The following DLGAP1 variants were observed in gnomAD, a reference collection of about 807,000 sequenced individuals.
DLGAP1 encodes the protein DLG associated protein 1.
A neutral mutation model predicts 90.8 loss-of-function variants in DLGAP1; 11 were observed. That is an observed-to-expected ratio of 0.12 (90% CI 0.08 to 0.20). The LOEUF (loss-of-function observed/expected upper bound fraction) is 0.20, where lower values mean the gene tolerates loss of function less well. DLGAP1 is among the 10% of genes least tolerant of loss of function. DLGAP1 has a pLI of 1.00. For synonymous variants in DLGAP1, 558 were observed against 540.7 expected, an observed-to-expected ratio of 1.03 and a Z score of -0.44; for missense variants, 1,050 against 1,333.8, an observed-to-expected ratio of 0.79 and a Z score of 3.31.
intron 2 of DLGAP1, among the ~76,000 whole-genome samples, chr18:4,133,447 A>G (rs1214180290): frequency 6.6e-6 from 1 of 152,192 alleles, no homozygotes; most frequent in Non-Finnish European, 1.5e-5. Context: ...ATGTTGGTCC[A>G]TTGGGTGAAA....
intron 9 of DLGAP1, among the ~76,000 whole-genome samples, chr18:3,544,851 T>C (rs2052922232): frequency 6.6e-6 from 1 of 152,012 alleles, no homozygotes; most frequent in Non-Finnish European, 1.5e-5. Flanking sequence ...GGGATCCTCC[T>C]ACCTCAACCT....
At chr18:3,792,213 G>A (rs2148236475) in intron 5 of DLGAP1, among the ~76,000 whole-genome samples, 1 of 152,300 alleles carries the variant, frequency 6.6e-6, no homozygotes, top group Non-Finnish European at 1.5e-5. Context: ...GGGCACGATG[G>A]CTCACACCTG....
chr18:3,852,284 G>A (rs2069385781), intron 4 of DLGAP1, among the ~76,000 whole-genome samples: 1 of 151,992 alleles, frequency 6.6e-6, no homozygotes, highest in Non-Finnish European at 1.5e-5. Context: ...AGGCAGTCAA[G>A]GAAAAAGATA....
In DLGAP1 at chr18:4,182,404, C is replaced by T. The variant is rs576116896; in HGVS notation, c.-266-31117G>A. ...CGGAAGATGGCACCAGAGGAAACTA[C>T]GTTAGCAAGCTTTGCAAACCAGCCT... On this transcript the variant is annotated intron_variant, in intron 1 of 12. Coordinates refer to ENST00000315677, the MANE Select transcript of DLGAP1 (RefSeq NM_004746.4). 2.6e-5 allele frequency among the ~76,000 whole-genome samples: 4 copies of T among 152,282 alleles called. No individual in the cohort carries two copies. In the South Asian group the frequency reaches 6.2e-4, roughly 24 times the overall value.
At chr18:3,512,628 A>G (rs1339650013) in intron 10 of DLGAP1, among the ~76,000 whole-genome samples, 3 of 152,222 alleles carry the variant, frequency 2.0e-5, no homozygotes, top group African/African-American at 7.2e-5. Context: ...TTCAAAACTC[A>G]CAAACAGGCA....
intron 1 of DLGAP1, among the ~76,000 whole-genome samples, chr18:4,337,013 C>T (rs1305877421): frequency 6.7e-6 from 1 of 149,176 alleles, no homozygotes; most frequent in Non-Finnish European, 1.5e-5. Flanking sequence ...ACTCCGGAGG[C>T]TGAGGTAGGA....
At chr18:3,599,562 C>G (rs2056783368) in intron 7 of DLGAP1, among the ~76,000 whole-genome samples, 1 of 152,194 alleles carries the variant, frequency 6.6e-6, no homozygotes, top group Admixed American at 6.6e-5. Flanking sequence ...GGAGTGGTGA[C>G]AGGCGTGCAA....
intron 3 of DLGAP1, among the ~76,000 whole-genome samples, chr18:3,992,567 A>G (rs1259145881): frequency 6.6e-6 from 1 of 152,140 alleles, no homozygotes; most frequent in Admixed American, 6.5e-5. Context: ...GGTCTCAGCT[A>G]ACTGGGAGGC....
intron 1 of DLGAP1, among the ~76,000 whole-genome samples, chr18:4,307,278 G>T (rs1288992239): frequency 1.3e-5 from 2 of 152,054 alleles, no homozygotes; most frequent in Non-Finnish European, 2.9e-5. Flanking sequence ...CATTCCAGAA[G>T]GTTCTTTTCC....
intron 8 of DLGAP1, among the ~76,000 whole-genome samples, chr18:3,568,893 A>G (rs61640984): frequency 0.078 from 11,745 of 151,432 alleles, 818 homozygotes; most frequent in African/African-American, 0.19. Context: ...TCACTGTGTT[A>G]GCCAGGATGG....
chr18:4,106,031 CAAA>C (rs60176243), intron 2 of DLGAP1, among the ~76,000 whole-genome samples: 7 of 102,236 alleles, frequency 6.8e-5, no homozygotes, highest in Non-Finnish European at 8.1e-5. Flanking sequence ...GGGTCCGTCT[CAAA>C]AAAAAAAAAA....
At chr18:3,918,080 C>T (rs1162096322) in intron 3 of DLGAP1, among the ~76,000 whole-genome samples, 1 of 152,156 alleles carries the variant, frequency 6.6e-6, no homozygotes, top group African/African-American at 2.4e-5. Context: ...ACTAGAGGAT[C>T]TTATATAGAA....
At chr18:3,941,524 A>G (rs2072768679) in intron 3 of DLGAP1, among the ~76,000 whole-genome samples, 1 of 152,262 alleles carries the variant, frequency 6.6e-6, no homozygotes, top group South Asian at 2.1e-4. Flanking sequence ...CAGAATCTGT[A>G]GAATTCCAGA....
intron 2 of DLGAP1, among the ~76,000 whole-genome samples, chr18:4,026,780 C>CATGT (rs1215989223): frequency 1.3e-5 from 2 of 152,140 alleles, no homozygotes; most frequent in African/African-American, 2.4e-5. Flanking sequence ...CATGCAAAAA[C>CATGT]CTTTTCACAG....
chr18:4,021,718 C>A (rs2074613137), intron 2 of DLGAP1, among the ~76,000 whole-genome samples: 1 of 152,266 alleles, frequency 6.6e-6, no homozygotes, highest in African/African-American at 2.4e-5. Context: ...CTGTCTTCAG[C>A]CTCCCAAGTA....
intron 7 of DLGAP1, among the ~76,000 whole-genome samples, chr18:3,664,207 C>T (rs1454859574): frequency 7.1e-6 from 1 of 139,890 alleles, no homozygotes; most frequent in Non-Finnish European, 1.5e-5. Context: ...CACACACACA[C>T]ACACACACAC....
chr18:4,165,833 G>T (rs1049203270), intron 1 of DLGAP1, among the ~76,000 whole-genome samples: 1 of 152,142 alleles, frequency 6.6e-6, no homozygotes, highest in African/African-American at 2.4e-5. Flanking sequence ...GCAAACATAT[G>T]TCTGGTAAGG....
intron 3 of DLGAP1, among the ~76,000 whole-genome samples, chr18:3,891,085 T>C (rs1452470627): frequency 6.6e-6 from 1 of 152,220 alleles, no homozygotes; most frequent in African/African-American, 2.4e-5. Flanking sequence ...TTCTTAACAT[T>C]ACACCTTCAA....
chr18:3,522,135 CTT>C (rs11374414), intron 10 of DLGAP1, among the ~76,000 whole-genome samples: 2 of 98,240 alleles, frequency 2.0e-5, no homozygotes, highest in Non-Finnish European at 1.9e-5. Context: ...TTCTTTCTTG[CTT>C]TTTTTTTTTT....
Sources: gnomAD v4.1 joint callset for allele counts (sites outside exome capture counted in the v4.1 genomes callset) on GRCh38, gnomAD v4.1.1 for gene constraint, MANE v1.5 for transcripts, NCBI Gene and HGNC (gene_info 2026-07-23, HGNC 2026-07-21) for gene names.